MROH7: variants seen among roughly 807,000 people sequenced by gnomAD.
MROH7 encodes maestro heat-like repeat-containing protein family member 7.
Under a neutral mutation model 129.2 loss-of-function variants are expected in MROH7, and 113 were observed. The ratio of observed to expected loss-of-function variants is 0.87; its 90% CI spans 0.75 to 1.02. The LOEUF is 1.02. Among genes scored for constraint, MROH7 ranks in the 50% least tolerant of loss-of-function variants. The pLI is 0.00. For missense variants in MROH7, 1,601 were observed against 1,671.3 expected, an observed-to-expected ratio of 0.96 and a Z score of 0.73; for synonymous variants, 655 against 667.9, an observed-to-expected ratio of 0.98 and a Z score of 0.30.
intron 15 of MROH7, among the ~76,000 whole-genome samples, chr1:54,689,926 A>G (rs60552776): frequency 0.014 from 2,157 of 152,242 alleles, 42 homozygotes; most frequent in African/African-American, 0.05. Context: ...AGTCCAAGAG[A>G]TCAAGGCTGC....
chr1:54,674,971 A>G (rs773112418), intron 10 of MROH7, among the ~76,000 whole-genome samples: 1 of 151,612 alleles, frequency 6.6e-6, no homozygotes, highest in African/African-American at 2.4e-5. Context: ...CTCAGATATA[A>G]TTCATAATTC....
At chr1:54,699,185 T>TCCC (rs1645388804) in intron 17 of MROH7, 2 of 92,800 alleles carry the variant, frequency 2.2e-5, no homozygotes, top group African/African-American at 7.5e-5. Flanking sequence ...CTTTCTTTCT[T>TCCC]TCTCTTTCTT....
chr1:54,674,176 A>G, intron 10 of MROH7, 25 bp downstream of exon 10: 3 of 1,603,880 alleles, frequency 1.9e-6, no homozygotes, highest in Non-Finnish European at 2.6e-6. Context: ...AGTACTTCTG[A>G]AGGAAGTCTT....
intron 1 of MROH7, among the ~76,000 whole-genome samples, chr1:54,647,713 C>T (rs145631402): frequency 0.016 from 2,345 of 148,862 alleles, 62 homozygotes; most frequent in African/African-American, 0.056. Flanking sequence ...GCACTCCAGC[C>T]TGGGCAACAA....
intron 3 of MROH7, among the ~76,000 whole-genome samples, chr1:54,661,886 G>A (rs966289200): frequency 1.3e-5 from 2 of 151,926 alleles, no homozygotes; most frequent in Non-Finnish European, 2.9e-5. Flanking sequence ...GTGAGCCACC[G>A]CCCCTGGCCT....
intron 1 of MROH7, among the ~76,000 whole-genome samples, chr1:54,644,215 C>T (rs1477245532): frequency 7.0e-6 from 1 of 142,286 alleles, no homozygotes; most frequent in Non-Finnish European, 1.5e-5. Flanking sequence ...TCCACAGATT[C>T]CTGAGGTTCT....
At position 54,670,375 on chromosome 1, in the gene MROH7, C is replaced by T. The variant is rs142272864; in HGVS notation, c.1390-122C>T. Reference sequence around the variant, plus strand: ...GTCCCAGTTACTTGGGAAGCTGAGGCGGGAGGAGCACTTGAGGGTATGCTG... The same window carrying T: ...GTCCCAGTTACTTGGGAAGCTGAGGTGGGAGGAGCACTTGAGGGTATGCTG... On this transcript the variant is annotated intron_variant, in intron 5 of 23. Coordinates refer to ENST00000421030, the MANE Select transcript of MROH7 (RefSeq NM_001039464.4). 1.3e-4 allele frequency: 93 copies of T among 717,694 alleles called. No individual in the cohort carries two copies. In the African/African-American group the frequency reaches 1.3e-3, roughly 10 times the overall value. 44.5% of individuals were successfully genotyped at this position (717,694 alleles called of 1,614,324 possible).
rs937733646 is a variant in MROH7, at chr1:54,655,230, G to A, written c.1231+1073G>A. ...AGGTTTTGCCATGTTGGTCAGGCTG[G>A]TCTTGAACTCCCGACCTCAGGTGAT... On this transcript the variant is annotated intron_variant, in intron 3 of 23. Coordinates refer to ENST00000421030, the MANE Select transcript of MROH7 (RefSeq NM_001039464.4). Among the ~76,000 whole-genome samples, 6 of 152,076 alleles carry A rather than the reference G, an allele frequency of 3.9e-5. No individual in the cohort carries two copies. The South Asian group carries it at 1.2e-3, about 32-fold the overall frequency.
chr1:54,669,824 AC>A (rs1162955839), intron 5 of MROH7, among the ~76,000 whole-genome samples: 1 of 151,720 alleles, frequency 6.6e-6, no homozygotes, highest in East Asian at 2.0e-4. Context: ...AAATGGCGAA[AC>A]CCCATCTCTA....
intron 10 of MROH7, among the ~76,000 whole-genome samples, chr1:54,676,973 T>C (rs983345824): frequency 3.3e-5 from 5 of 151,976 alleles, no homozygotes; most frequent in African/African-American, 1.2e-4. Context: ...TCCCAAAGTG[T>C]TAGGATTACA....
At chr1:54,677,688 A>G (rs898584406) in intron 10 of MROH7, among the ~76,000 whole-genome samples, 2 of 152,190 alleles carry the variant, frequency 1.3e-5, no homozygotes, top group Non-Finnish European at 2.9e-5. Context: ...CACGTCCTGT[A>G]TTCCTTGAGG....
chr1:54,679,488 C>T (rs778435457), intron 12 of MROH7, 49 bp downstream of exon 12: 35 of 1,579,306 alleles, frequency 2.2e-5, no homozygotes, highest in Non-Finnish European at 2.8e-5. Context: ...GGCTCGGGAG[C>T]TCCCCCCATG....
At chr1:54,647,008 C>T (rs530000136) in intron 1 of MROH7, among the ~76,000 whole-genome samples, 47 of 152,318 alleles carry the variant, frequency 3.1e-4, no homozygotes, top group South Asian at 1.4e-3. Flanking sequence ...ATCCACTGTA[C>T]GGACATACCA....
At chr1:54,642,181 C>T (rs1644398553) in intron 1 of MROH7, among the ~76,000 whole-genome samples, 1 of 152,134 alleles carries the variant, frequency 6.6e-6, no homozygotes. Context: ...CCTGCCCTCA[C>T]CCAGGGGAGG....
chr1:54,686,354 GTCCATTACCACATCGGCC>G lies in MROH7; in HGVS notation c.2620_2637del (p.His874_Leu879del), dbSNP rs1162974799. On this transcript the variant is annotated inframe_deletion, in exon 15 of 24. Transcript: ENST00000421030. ...GCTGCTCCTGGCCCTGCTCATTCAGGTCCATTACCACATCGGCCTCAACCTGCCTGGCTGCGTGGCTCC... is the reference window on the plus strand; with the variant it reads ...GCTGCTCCTGGCCCTGCTCATTCAGGTCAACCTGCCTGGCTGCGTGGCTCC... The G allele has an allele frequency of 6.2e-7, 1 of 1,614,042 alleles. No individual in the cohort carries two copies. The highest frequency in any genetic ancestry group is 2.2e-5 in the East Asian group (1 of 44,888).
chr1:54,669,297 C>T (rs1375339396), intron 5 of MROH7, among the ~76,000 whole-genome samples: 2 of 152,158 alleles, frequency 1.3e-5, no homozygotes, highest in Admixed American at 6.5e-5. Context: ...TTCTGGTGGG[C>T]AACTTTAGGC....
chr1:54,697,645 C>G, intron 17 of MROH7: 1 of 703,038 alleles, frequency 1.4e-6, no homozygotes. Context: ...TTTCACTAAT[C>G]TGCACAGCAA....
At position 54,702,111 on chromosome 1, in the gene MROH7, T is replaced by C. The variant is rs779444814; in HGVS notation, c.3307T>C (p.Ser1103Pro). The C allele has an allele frequency of 6.2e-7, 1 of 1,607,018 alleles. No individual in the cohort carries two copies. The highest frequency in any genetic ancestry group is 1.1e-5 in the South Asian group (1 of 90,240). The change falls in exon 20 of 24, where the codon TCC becomes CCC. Residue 1103 changes from serine to proline, a missense_variant. Ser to Pro is a moderately conservative substitution (Grantham distance 74). Coordinates refer to ENST00000421030, the MANE Select transcript of MROH7 (RefSeq NM_001039464.4). ...FSDAREVVRS[S>P]CINLYGKVVQ... Reference sequence around the variant, plus strand: ...CCAGGCACGAGAGGTCGTGCGCTCCTCCTGCATCAACCTGTATGGGAAGGT... The same window carrying C: ...CCAGGCACGAGAGGTCGTGCGCTCCCCCTGCATCAACCTGTATGGGAAGGT...
At chr1:54,663,697 A>C (rs916738320) in intron 3 of MROH7, 112 of 398,666 alleles carry the variant, frequency 2.8e-4, no homozygotes, top group Admixed American at 3.4e-4. Flanking sequence ...AAAAAAAAAA[A>C]AAAACAAAAA....
Sources: gnomAD v4.1 joint callset for allele counts (sites outside exome capture counted in the v4.1 genomes callset) on GRCh38, gnomAD v4.1.1 for gene constraint, MANE v1.5 for transcripts, NCBI Gene and HGNC (gene_info 2026-07-23, HGNC 2026-07-21) for gene names.